INSC: variants seen among roughly 807,000 people sequenced by gnomAD.
INSC encodes protein inscuteable homolog.
A neutral mutation model predicts 58.6 loss-of-function variants in INSC; 67 were observed. The observed-to-expected ratio is 1.14, with a 90% CI of 0.94 to 1.40. The LOEUF (loss-of-function observed/expected upper bound fraction) is 1.40, where lower values mean the gene tolerates loss of function less well. Among genes scored for constraint, INSC ranks in the 40% most tolerant of loss-of-function variants. The pLI is 0.00. For missense variants in INSC, 714 were observed against 692.0 expected, an observed-to-expected ratio of 1.03 and a Z score of -0.36; for synonymous variants, 262 against 276.1, an observed-to-expected ratio of 0.95 and a Z score of 0.51.
intron 1 of INSC, among the ~76,000 whole-genome samples, chr11:15,136,695 T>C (rs1848254138): frequency 6.6e-6 from 1 of 152,226 alleles, no homozygotes; most frequent in Admixed American, 6.5e-5. Context: ...TTCAGTCATG[T>C]CTTCAGGCTC....
chr11:15,182,875 G>T (rs1283087835), intron 5 of INSC, among the ~76,000 whole-genome samples: 2 of 151,622 alleles, frequency 1.3e-5, no homozygotes, highest in Non-Finnish European at 2.9e-5. Context: ...TTTTCCAAAA[G>T]GCATACTCTT....
At chr11:15,240,148 A>G (rs1205238463) in intron 11 of INSC, among the ~76,000 whole-genome samples, 1 of 152,170 alleles carries the variant, frequency 6.6e-6, no homozygotes, top group Non-Finnish European at 1.5e-5. Context: ...TAGCCACAGT[A>G]TATTTTCTGA....
upstream of INSC, among the ~76,000 whole-genome samples, chr11:15,113,420 A>G (rs1449669807): frequency 6.6e-6 from 1 of 152,114 alleles, no homozygotes; most frequent in Non-Finnish European, 1.5e-5. Context: ...TGGCCTCCCA[A>G]AGAGCTGGGA....
intron 1 of INSC, among the ~76,000 whole-genome samples, chr11:15,131,604 T>C (rs1362227854): frequency 1.3e-5 from 2 of 152,160 alleles, no homozygotes; most frequent in Admixed American, 1.3e-4. Context: ...CATTTCTCCT[T>C]GAAGTTTTAT....
intron 6 of INSC, among the ~76,000 whole-genome samples, chr11:15,199,524 A>G (rs1183350791): frequency 6.6e-6 from 1 of 152,168 alleles, no homozygotes; most frequent in African/African-American, 2.4e-5. Flanking sequence ...TCGTTGTTTT[A>G]TCGTCATTCA....
rs1175649334 is a variant in INSC, at chr11:15,149,200, A to T, written c.26A>T (p.His9Leu). The T allele has an allele frequency of 3.1e-6, 5 of 1,609,866 alleles. No individual in the cohort carries two copies. In the African/African-American group the frequency reaches 6.7e-5, roughly 22 times the overall value. ...ATGATGGCACTGCCTGGAGGTCGCC[A>T]CCTGGACTCCGTCACCCTGCCGGGT... is the stretch of plus-strand genomic sequence containing the variant. MMALPGGR[H>L]LDSVTLPGQR... The change falls in exon 2 of 13, where the codon CAC becomes CTC. Residue 9 changes from histidine to leucine, a missense_variant. Transcript: ENST00000379556.
chr11:15,198,003 C>T (rs1850434042), intron 6 of INSC, among the ~76,000 whole-genome samples: 1 of 139,556 alleles, frequency 7.2e-6, no homozygotes, highest in African/African-American at 2.4e-5. Flanking sequence ...ATGAGTGCTG[C>T]ACTCGGTTCT....
chr11:15,163,630 C>A (rs1236747467), intron 2 of INSC, among the ~76,000 whole-genome samples: 1 of 152,128 alleles, frequency 6.6e-6, no homozygotes, highest in African/African-American at 2.4e-5. Flanking sequence ...TGCTCTGTCG[C>A]CCAGGCTGAA....
chr11:15,224,482 A>T (rs1851556463), intron 8 of INSC, among the ~76,000 whole-genome samples: 2 of 152,234 alleles, frequency 1.3e-5, no homozygotes, highest in African/African-American at 2.4e-5. Flanking sequence ...AGGGACCAGG[A>T]TAGAACACAG....
intron 2 of INSC, among the ~76,000 whole-genome samples, chr11:15,169,713 T>A (rs1478536111): frequency 6.6e-6 from 1 of 152,116 alleles, no homozygotes; most frequent in East Asian, 1.9e-4. Context: ...AGCTAATTTT[T>A]TTTTTTTGTA....
chr11:15,125,273 G>C (rs1039769161), intron 1 of INSC, among the ~76,000 whole-genome samples: 1 of 152,214 alleles, frequency 6.6e-6, no homozygotes, highest in Non-Finnish European at 1.5e-5. Flanking sequence ...TGTGATTGGA[G>C]TTAAGTGAGG....
intron 5 of INSC, among the ~76,000 whole-genome samples, chr11:15,186,674 G>A (rs1188075731): frequency 6.6e-6 from 1 of 152,058 alleles, no homozygotes; most frequent in Non-Finnish European, 1.5e-5. Flanking sequence ...TTTCTCTTCA[G>A]TACATCCAAT....
At chr11:15,182,415 C>A (rs1849812682) in intron 5 of INSC, among the ~76,000 whole-genome samples, 1 of 152,198 alleles carries the variant, frequency 6.6e-6, no homozygotes, top group Non-Finnish European at 1.5e-5. Flanking sequence ...CATACACTCA[C>A]TGGGGGAAAA....
At chr11:15,249,278 C>T (rs1013216616), downstream of INSC, among the ~76,000 whole-genome samples, 12 of 152,216 alleles carry the variant, frequency 7.9e-5, no homozygotes, top group African/African-American at 2.9e-4. Flanking sequence ...GAAAAGTCTA[C>T]ATCCTTTCTT....
In INSC at chr11:15,236,128, A is replaced by G. The variant is rs563582215; in HGVS notation, c.1237+460A>G. Among the ~76,000 whole-genome samples the G allele has an allele frequency of 7.3e-5, 11 of 151,164 alleles. No homozygotes were observed. In the South Asian group the frequency reaches 2.3e-3, roughly 32 times the overall value. On this transcript the variant is annotated intron_variant, in intron 10 of 12. Transcript: ENST00000379556. Reference sequence around the variant, plus strand: ...CCTGAGCATATATGTGTGTGCTTGTATGTGTGCAACTGGGTCTATATATGT... The same window carrying G: ...CCTGAGCATATATGTGTGTGCTTGTGTGTGTGCAACTGGGTCTATATATGT...
intron 7 of INSC, among the ~76,000 whole-genome samples, chr11:15,204,868 T>A (rs1850736787): frequency 6.6e-6 from 1 of 152,168 alleles, no homozygotes; most frequent in African/African-American, 2.4e-5. Flanking sequence ...AGCTTCCCCC[T>A]CCTTTCCTTC....
chr11:15,121,727 A>G (rs1208549712), intron 1 of INSC, among the ~76,000 whole-genome samples: 1 of 152,166 alleles, frequency 6.6e-6, no homozygotes, highest in East Asian at 1.9e-4. Context: ...TTGGCATTCT[A>G]CTTTAAAAAA....
chr11:15,205,181 G>A (rs574257045), intron 7 of INSC, among the ~76,000 whole-genome samples: 9 of 152,118 alleles, frequency 5.9e-5, no homozygotes, highest in South Asian at 2.1e-4. Context: ...TTCCAGGCTC[G>A]CCTAGGCAAC....
intron 3 of INSC, among the ~76,000 whole-genome samples, chr11:15,176,579 A>C (rs1256360661): frequency 1.3e-5 from 2 of 152,204 alleles, no homozygotes; most frequent in African/African-American, 4.8e-5. Flanking sequence ...TATTTTATAG[A>C]TGAGGAAACA....
Sources: allele counts gnomAD v4.1 joint callset (sites outside exome capture counted in the v4.1 genomes callset), GRCh38; gene constraint gnomAD v4.1.1; transcripts MANE v1.5; gene names NCBI Gene and HGNC (gene_info 2026-07-23, HGNC 2026-07-21).